Variants in LARGE1 observed in about 807,000 individuals in gnomAD.
The protein encoded by LARGE1 is xylosyl- and glucuronyltransferase LARGE1.
Under a neutral mutation model 87.6 loss-of-function variants are expected in LARGE1, and 43 were observed. The ratio of observed to expected loss-of-function variants is 0.49; its 90% CI spans 0.38 to 0.63. LARGE1 has a LOEUF of 0.63. Ranked by LOEUF, LARGE1 falls within the 30% of genes least tolerant of loss-of-function variation. The pLI, the probability that LARGE1 is intolerant of heterozygous loss-of-function variation, is 0.00. For missense variants in LARGE1, 802 were observed against 1,000.2 expected (o/e 0.80, Z 2.67); for synonymous variants, 434 against 394.6 (o/e 1.10, Z -1.18).
intron 1 of LARGE1, among the ~76,000 whole-genome samples, chr22:33,840,448 T>C (rs5754715): frequency 0.17 from 26,208 of 152,186 alleles, 2,928 homozygotes; most frequent in East Asian, 0.41. Flanking sequence ...GTAATATAGT[T>C]TAATCTCTAT....
At chr22:33,634,040 T>C (rs116931520) in intron 3 of LARGE1, among the ~76,000 whole-genome samples, 8 of 152,282 alleles carry the variant, frequency 5.3e-5, no homozygotes, top group Admixed American at 2.0e-4. Context: ...CAGCTACCGA[T>C]TGGGTTGTGT....
chr22:33,482,343 G>A (rs2069365458), intron 6 of LARGE1, among the ~76,000 whole-genome samples: 1 of 152,030 alleles, frequency 6.6e-6, no homozygotes, highest in Non-Finnish European at 1.5e-5. Context: ...TTCTGTTTTT[G>A]TATTTCTCAC....
At chr22:33,697,743 G>T (rs1163319487) in intron 2 of LARGE1, among the ~76,000 whole-genome samples, 2 of 152,050 alleles carry the variant, frequency 1.3e-5, no homozygotes. Context: ...CTTCAAAGAA[G>T]AAAGAGTTGA....
intron 11 of LARGE1, among the ~76,000 whole-genome samples, chr22:33,222,358 C>T (rs978901858): frequency 6.6e-6 from 1 of 152,086 alleles, no homozygotes; most frequent in Non-Finnish European, 1.5e-5. Context: ...AAAGAAGGGC[C>T]TTGGGGGAGA....
chr22:33,475,535 C>T (rs1416097273), intron 6 of LARGE1, among the ~76,000 whole-genome samples: 2 of 151,760 alleles, frequency 1.3e-5, no homozygotes, highest in Non-Finnish European at 2.9e-5. Flanking sequence ...GACTTAGGCT[C>T]ACTGCAACCT....
chr22:33,390,492 A>G (rs2065479065), intron 7 of LARGE1, among the ~76,000 whole-genome samples: 1 of 152,100 alleles, frequency 6.6e-6, no homozygotes, highest in Non-Finnish European at 1.5e-5. Flanking sequence ...AGCAGAACCC[A>G]TGGGTGGCTC....
intron 6 of LARGE1, among the ~76,000 whole-genome samples, chr22:33,466,631 C>T (rs904827604): frequency 1.3e-5 from 2 of 151,788 alleles, no homozygotes; most frequent in African/African-American, 4.8e-5. Flanking sequence ...GGAAAGAACA[C>T]TTCTGTTGTA....
At chr22:33,460,755 G>A (rs1279291651) in intron 6 of LARGE1, among the ~76,000 whole-genome samples, 5 of 152,262 alleles carry the variant, frequency 3.3e-5, no homozygotes, top group African/African-American at 9.6e-5. Flanking sequence ...AGAACAAAGC[G>A]TAAAGACAGG....
intron 6 of LARGE1, among the ~76,000 whole-genome samples, chr22:33,486,327 G>A (rs918792844): frequency 1.3e-5 from 2 of 152,208 alleles, no homozygotes; most frequent in South Asian, 2.1e-4. Flanking sequence ...CCAAAGCCAC[G>A]GAAAGCAGAA....
chr22:33,593,795 A>G (rs2078908146), intron 5 of LARGE1, among the ~76,000 whole-genome samples: 1 of 151,290 alleles, frequency 6.6e-6, no homozygotes, highest in Non-Finnish European at 1.5e-5. Flanking sequence ...ATGTATTATT[A>G]AAATGTATTG....
intron 6 of LARGE1, among the ~76,000 whole-genome samples, chr22:33,455,417 TG>T (rs1188523420): frequency 6.6e-6 from 1 of 152,158 alleles, no homozygotes; most frequent in Admixed American, 6.5e-5. Context: ...GGAAGAGAGT[TG>T]TTTTTCTGAA....
At chr22:33,130,869 T>C in the LARGE1 span, among the ~76,000 whole-genome samples, 1 of 151,356 alleles carries the variant, frequency 6.6e-6, no homozygotes, top group African/African-American at 2.4e-5. Context: ...CCGTCTCTAC[T>C]GAACATACAA....
chr22:33,284,703 G>A (rs540941565), intron 12 of LARGE1, among the ~76,000 whole-genome samples: 12 of 152,140 alleles, frequency 7.9e-5, no homozygotes, highest in East Asian at 5.8e-4. Flanking sequence ...TCAGTCTCCC[G>A]AGTAGCTGGG....
rs59324780 is a variant in LARGE1 at position 33,525,556 on chromosome 22, G to A, written c.787+39292C>T. Among the ~76,000 whole-genome samples, 1,115 of 152,266 alleles carry A rather than the reference G, an allele frequency of 7.3e-3. 12 individuals carry two copies. Among genetic ancestry groups the A allele is most frequent in the African/African-American group, 0.026 (1,062 of 41,548 alleles). ...AGATGCAGGTCCCAGATATGAAAAT[G>A]TATCTATTAAATACCATCCTGCCTT... On this transcript the variant is annotated intron_variant, in intron 6 of 14. Transcript: ENST00000397394.
chr22:33,698,505 T>C (rs1374171997), intron 2 of LARGE1, among the ~76,000 whole-genome samples: 1 of 151,930 alleles, frequency 6.6e-6, no homozygotes, highest in Admixed American at 6.6e-5. Context: ...AGATGGGATT[T>C]CACCATGTTG....
chr22:33,920,632 G>C (rs1444689604), upstream of LARGE1, among the ~76,000 whole-genome samples: 1 of 143,816 alleles, frequency 7.0e-6, no homozygotes, highest in Non-Finnish European at 1.5e-5. Flanking sequence ...CGGGGGCGCG[G>C]GGCTAGGGGA....
the LARGE1 span, among the ~76,000 whole-genome samples, chr22:33,148,566 T>A: frequency 6.6e-6 from 1 of 152,212 alleles, no homozygotes; most frequent in Admixed American, 6.5e-5. Flanking sequence ...TGAACATAAA[T>A]TTTTCTTTTG....
chr22:33,798,099 C>G (rs931337507), intron 1 of LARGE1, among the ~76,000 whole-genome samples: 1 of 152,080 alleles, frequency 6.6e-6, no homozygotes, highest in Non-Finnish European at 1.5e-5. Flanking sequence ...ATGGCGAAAA[C>G]CCGTCTCTAC....
chr22:33,812,995 T>C lies in LARGE1; in HGVS notation c.-82-51437A>G, dbSNP rs531284240. On this transcript the variant is annotated intron_variant, in intron 1 of 14. Coordinates refer to ENST00000397394, the MANE Select transcript of LARGE1 (RefSeq NM_133642.5). ...TATTAGGTGGTACCAAATTGGCATA[T>C]GAATACAGACTATTCTCTTAGTATT... 6.6e-5 allele frequency among the ~76,000 whole-genome samples: 10 copies of C among 152,316 alleles called. No individual in the cohort carries two copies. In the East Asian group the frequency reaches 1.9e-3, roughly 29 times the overall value.
Sources: allele counts gnomAD v4.1 joint callset (sites outside exome capture counted in the v4.1 genomes callset), GRCh38; gene constraint gnomAD v4.1.1; transcripts MANE v1.5; gene names NCBI Gene and HGNC (gene_info 2026-07-23, HGNC 2026-07-21).